Variants in AMPD1 observed in about 807,000 individuals in gnomAD.
AMPD1 encodes the protein adenosine monophosphate deaminase 1.
A neutral mutation model predicts 82.9 loss-of-function variants in AMPD1; 74 were observed. That is an observed-to-expected ratio of 0.89 (90% CI 0.74 to 1.08). The LOEUF (loss-of-function observed/expected upper bound fraction) is 1.08, where lower values mean the gene tolerates loss of function less well. Ranked by LOEUF, AMPD1 falls within the 50% of genes least tolerant of loss-of-function variation. The pLI, the probability that AMPD1 is intolerant of heterozygous loss-of-function variation, is 0.00. For synonymous variants in AMPD1, 333 were observed against 320.5 expected, an observed-to-expected ratio of 1.04 and a Z score of -0.42; for missense variants, 881 against 924.5, an observed-to-expected ratio of 0.95 and a Z score of 0.61.
chr1:114,674,038 G>A lies in AMPD1; in HGVS notation c.1845C>T (p.Ile615=), dbSNP rs34257411. 1,293 of 1,614,000 alleles carry A rather than the reference G, an allele frequency of 8.0e-4. 6 individuals carry two copies. In the African/African-American group the frequency reaches 0.013, roughly 17 times the overall value. The part of the protein sequence containing the change: ...QYLFFLAQIP[I]AMSPLSNNSL... ...TATTGTTACTTAGTGGTGACATGGC[G>A]ATGGGAATTTGGGCTAAGAAAAACA... Residue 615 remains isoleucine, a synonymous_variant, in exon 14 of 16, where the codon ATC becomes ATT. Coordinates refer to ENST00000520113, the MANE Select transcript of AMPD1 (RefSeq NM_000036.3).
rs1388958387 is a variant in AMPD1 at position 114,693,451 on chromosome 1, T to C, written c.23-4A>G. On this transcript the variant is annotated splice_region_variant and splice_polypyrimidine_tract_variant and intron_variant, in intron 1 of 15. Coordinates refer to ENST00000520113, the MANE Select transcript of AMPD1 (RefSeq NM_000036.3). Reference sequence around the variant, plus strand: ...CAATACTCACGTTTCTCTTCAGCTGTATGAAGTAAAATAAAACAAGATAAA... The same window carrying C: ...CAATACTCACGTTTCTCTTCAGCTGCATGAAGTAAAATAAAACAAGATAAA... 9 of 1,608,914 alleles carry C rather than the reference T, an allele frequency of 5.6e-6. No homozygotes were observed. Among genetic ancestry groups the C allele is most frequent in the Non-Finnish European group, 7.7e-6 (9 of 1,175,616 alleles).
chr1:114,675,755 C>T (rs1657962904), intron 11 of AMPD1, 62 bp from the exon 12 acceptor site: 2 of 1,613,598 alleles, frequency 1.2e-6, no homozygotes, highest in East Asian at 2.2e-5. Flanking sequence ...AGTCCTCACA[C>T]AAACTTTCAG....
At chr1:114,674,278 A>G (rs1451923832) in intron 13 of AMPD1, among the ~76,000 whole-genome samples, 196 bp from the exon 14 acceptor site, 1 of 152,214 alleles carries the variant, frequency 6.6e-6, no homozygotes, top group African/African-American at 2.4e-5. Flanking sequence ...AGGATACATT[A>G]ATTTTCAGAA....
chr1:114,692,226 C>T (rs113336121), intron 2 of AMPD1, among the ~76,000 whole-genome samples: 30 of 152,170 alleles, frequency 2.0e-4, no homozygotes, highest in Non-Finnish European at 3.8e-4. Flanking sequence ...GCTTGTTTCT[C>T]AGCAGTGCTT....
At chr1:114,686,623 T>A in intron 4 of AMPD1, 122 bp downstream of exon 4, 1 of 983,086 alleles carries the variant, frequency 1.0e-6, no homozygotes, top group Admixed American at 1.9e-5. Flanking sequence ...AATAATGAAG[T>A]GTAACAAAGG....
Position 114,674,033 on chromosome 1 carries a change from A to G in AMPD1, c.1850T>C (p.Met617Thr), listed in dbSNP as rs367934256. The G allele has an allele frequency of 1.7e-5, 28 of 1,613,996 alleles. No individual in the cohort carries two copies. The highest frequency in any genetic ancestry group is 2.2e-5 in the South Asian group (2 of 91,090). ...TAGGCTATTGTTACTTAGTGGTGAC[A>G]TGGCGATGGGAATTTGGGCTAAGAA... ...LFFLAQIPIA[M>T]SPLSNNSLFL... Residue 617 changes from methionine to threonine, a missense_variant, in exon 14 of 16, where the codon ATG becomes ACG. Around this residue, in one of 2 missense-constraint regions of AMPD1, gnomAD observed 783 missense variants for 786.4 expected, o/e 1.00. Coordinates refer to ENST00000520113, the MANE Select transcript of AMPD1 (RefSeq NM_000036.3).
At chr1:114,688,470 A>G (rs1387227091) in intron 3 of AMPD1, 91 bp downstream of exon 3, 1 of 1,436,284 alleles carries the variant, frequency 7.0e-7, no homozygotes, top group Non-Finnish European at 9.8e-7. Context: ...TCTGAGTTGA[A>G]CCATCATTTG....
rs766226166 is a variant in AMPD1, at chr1:114,673,107, C to CT, written c.*6dup. On this transcript the variant is annotated 3_prime_UTR_variant, in exon 16 of 16. Transcript: ENST00000520113. ...CTCACTCATATTATTATTTGGTTTACTTTTTTTTATTCTGTTGATTTAAGA... is the reference window on the plus strand; with the variant it reads ...CTCACTCATATTATTATTTGGTTTACTTTTTTTTTATTCTGTTGATTTAAGA... The CT allele has an allele frequency of 1.5e-5, 24 of 1,609,838 alleles. No homozygotes were observed. Among genetic ancestry groups the CT allele is most frequent in the Non-Finnish European group, 2.0e-5 (24 of 1,176,650 alleles).
intron 2 of AMPD1, among the ~76,000 whole-genome samples, chr1:114,690,349 C>T (rs1422542799): frequency 1.3e-5 from 2 of 152,170 alleles, no homozygotes; most frequent in Admixed American, 1.3e-4. Flanking sequence ...TAATGTGTAG[C>T]ATTGGTCAAA....
intron 2 of AMPD1, among the ~76,000 whole-genome samples, chr1:114,691,178 C>G (rs1264082743): frequency 6.6e-6 from 1 of 152,188 alleles, no homozygotes; most frequent in Non-Finnish European, 1.5e-5. Context: ...TTTCCTTCCA[C>G]TGAAGCAACC....
rs184909499 is a variant in AMPD1, at chr1:114,694,775, T to C, written c.22+675A>G. Among the ~76,000 whole-genome samples, 257 of 152,192 alleles carry C rather than the reference T, an allele frequency of 1.7e-3. 1 individual carries two copies. Among genetic ancestry groups the C allele is most frequent in the African/African-American group, 5.8e-3 (240 of 41,528 alleles). On this transcript the variant is annotated intron_variant, in intron 1 of 15. Transcript: ENST00000520113. ...GGGAGGATCACCAGATCCCAGAAGA[T>C]TGGGGCTGCAGTGAATCGTGATCGT...
Position 114,673,929 on chromosome 1 carries a change from T to C in AMPD1, c.1954A>G (p.Met652Val), listed in dbSNP as rs948952234. ...LMISLSTDDPMQFHFTKEPLM... is the reference protein window; with the variant it reads ...LMISLSTDDPVQFHFTKEPLM... ...TATACCTTGGTAAAGTGGAATTGCA[T>C]TGGGTCATCTGTAGACAGTGAGATC... Residue 652 changes from methionine to valine, a missense_variant, in exon 14 of 16, where the codon ATG (methionine) becomes GTG (valine). Met to Val is a conservative substitution (Grantham distance 21). Around this residue, in one of 2 missense-constraint regions of AMPD1, gnomAD observed 98 missense variants for 138.1 expected, o/e 0.71. Transcript: ENST00000520113. The C allele has an allele frequency of 3.1e-6, 5 of 1,614,088 alleles. No individual in the cohort carries two copies. The highest frequency in any genetic ancestry group is 2.7e-5 in the African/African-American group (2 of 75,034).
At chr1:114,694,780 G>A (rs1433924748) in intron 1 of AMPD1, among the ~76,000 whole-genome samples, 1 of 152,048 alleles carries the variant, frequency 6.6e-6, no homozygotes, top group East Asian at 1.9e-4. Flanking sequence ...GAAGATTGGG[G>A]CTGCAGTGAA....
rs1305676991 is a variant in AMPD1 at position 114,677,795 on chromosome 1, CTCCCTCCT to C, written c.1224+107_1224+114del. ...CTCCCTTCCTTCCTTCTTTCCCTCT[CTCCCTCCT>C]TCCTTCCTTCCTTCCTTCCTTCCTT... is the stretch of plus-strand genomic sequence containing the variant. On this transcript the variant is annotated intron_variant, in intron 9 of 15. Coordinates refer to ENST00000520113, the MANE Select transcript of AMPD1 (RefSeq NM_000036.3). 9.0e-4 allele frequency: 390 copies of C among 431,362 alleles called. 3 individuals are homozygous for C. Among genetic ancestry groups the C allele is most frequent in the Middle Eastern group, 2.0e-3 (3 of 1,488 alleles). 26.7% of individuals were successfully genotyped at this position (431,362 alleles called of 1,614,324 possible). A position where few individuals can be genotyped will look rare whatever the true frequency, so the allele number is the denominator to read the frequency against.
At chr1:114,682,641 C>T (rs1356493380) in intron 5 of AMPD1, among the ~76,000 whole-genome samples, 1 of 151,176 alleles carries the variant, frequency 6.6e-6, no homozygotes, top group East Asian at 2.0e-4. Context: ...TGCAGTGGCG[C>T]GATCTCAGCT....
intron 4 of AMPD1, among the ~76,000 whole-genome samples, chr1:114,685,020 T>G (rs990355154): frequency 1.3e-5 from 2 of 152,230 alleles, no homozygotes; most frequent in African/African-American, 4.8e-5. Flanking sequence ...AACTCCTGGT[T>G]GGGCCAGGCA....
chr1:114,673,903 C>T lies in AMPD1; in HGVS notation c.1974+6G>A. On this transcript the variant is annotated splice_donor_region_variant and intron_variant, in intron 14 of 15. Transcript: ENST00000520113. ...TATGCTTGTATTGCCCAAGTCCATA[C>T]TATACCTTGGTAAAGTGGAATTGCA... 1 of 1,613,752 alleles carries T rather than the reference C, an allele frequency of 6.2e-7. No homozygotes were observed. The highest frequency in any genetic ancestry group is 8.5e-7 in the Non-Finnish European group (1 of 1,179,688).
chr1:114,694,336 G>A (rs1311868774), intron 1 of AMPD1, among the ~76,000 whole-genome samples: 1 of 152,100 alleles, frequency 6.6e-6, no homozygotes, highest in Non-Finnish European at 1.5e-5. Flanking sequence ...TTTTAGGAAA[G>A]GTTTGGGATA....
intron 5 of AMPD1, among the ~76,000 whole-genome samples, chr1:114,680,837 G>A (rs975025309): frequency 9.9e-5 from 15 of 152,216 alleles, no homozygotes; most frequent in Admixed American, 7.8e-4. Flanking sequence ...CTGTGGCGGC[G>A]TGTGCCTGTT....
Sources: allele counts gnomAD v4.1 joint callset (sites outside exome capture counted in the v4.1 genomes callset), GRCh38; gene constraint gnomAD v4.1.1; regional missense constraint gnomAD v4.1.1; transcripts MANE v1.5; gene names NCBI Gene and HGNC (gene_info 2026-07-23, HGNC 2026-07-21).